The following CNBD1 variants were observed in gnomAD, a reference collection of about 807,000 sequenced individuals.
CNBD1 encodes cyclic nucleotide-binding domain-containing protein 1.
In CNBD1, 71 loss-of-function variants were observed where a neutral mutation model predicts 54.4. The observed-to-expected ratio is 1.30, with a 90% CI of 1.08 to 1.59. The LOEUF (loss-of-function observed/expected upper bound fraction) is 1.59. CNBD1 is among the 40% of genes most tolerant of loss of function. CNBD1 has a pLI of 0.00. For synonymous variants in CNBD1, 182 were observed against 170.7 expected, an observed-to-expected ratio of 1.07 and a Z score of -0.51; for missense variants, 659 against 518.0, an observed-to-expected ratio of 1.27 and a Z score of -2.64.
At chr8:86,978,354 T>G (rs1586176102) in intron 4 of CNBD1, among the ~76,000 whole-genome samples, 1 of 152,060 alleles carries the variant, frequency 6.6e-6, no homozygotes, top group Admixed American at 6.6e-5. Flanking sequence ...CTCTTTAATC[T>G]TACCCTCTAA....
At chr8:86,866,698 T>C (rs1419656675) in intron 1 of CNBD1, 115 bp downstream of exon 1, 7 of 741,924 alleles carry the variant, frequency 9.4e-6, no homozygotes, top group Admixed American at 2.1e-5. Flanking sequence ...GGGAATCTTA[T>C]TGACAGTGCT....
At chr8:87,368,201 T>C (rs930492114) in intron 10 of CNBD1, among the ~76,000 whole-genome samples, 1 of 139,946 alleles carries the variant, frequency 7.1e-6, no homozygotes, top group Non-Finnish European at 1.6e-5. Context: ...TGTTATAGAA[T>C]TTGGGTTTTG....
chr8:87,290,405 C>T (rs1808764796), intron 8 of CNBD1, among the ~76,000 whole-genome samples: 1 of 152,022 alleles, frequency 6.6e-6, no homozygotes, highest in East Asian at 1.9e-4. Flanking sequence ...TCTTATGCTG[C>T]TATTGGCAAA....
chr8:86,966,106 A>ACTCTTCT (rs1262049810), intron 4 of CNBD1, among the ~76,000 whole-genome samples: 1 of 152,200 alleles, frequency 6.6e-6, no homozygotes, highest in Non-Finnish European at 1.5e-5. Flanking sequence ...TGGGCCCAGA[A>ACTCTTCT]GAGCCATAAT....
At chr8:87,096,866 T>G (rs1359708308) in intron 4 of CNBD1, among the ~76,000 whole-genome samples, 2 of 152,036 alleles carry the variant, frequency 1.3e-5, no homozygotes, top group Non-Finnish European at 2.9e-5. Flanking sequence ...CATGGTAATA[T>G]TAGCAGATTA....
chr8:87,286,759 A>T (rs1808708588), intron 8 of CNBD1, 88 bp downstream of exon 8: 1 of 836,632 alleles, frequency 1.2e-6, no homozygotes, highest in African/African-American at 1.7e-5. Flanking sequence ...ATTTTATACA[A>T]TATTTCTTCA....
rs1411997537 is a variant in CNBD1, at chr8:87,322,518, TC to T, written c.1043-29166del. On this transcript the variant is annotated intron_variant, in intron 8 of 10. Transcript: ENST00000518476. ...ATTCTAACTGGTGTGAGATGATATC[TC>T]ATAGTGGTTTTGATTTGCATTTCTC... 5.8e-5 allele frequency among the ~76,000 whole-genome samples: 7 copies of T among 121,706 alleles called. 2 individuals are homozygous for T. The East Asian group carries it at 1.5e-3, about 25-fold the overall frequency. The allele number at this position is 121,706 out of a possible 152,430, so 79.8% of individuals were successfully genotyped here.
intron 1 of CNBD1, 128 bp from the exon 2 acceptor site, chr8:86,887,411 CTGT>C: frequency 1.7e-6 from 1 of 603,324 alleles, no homozygotes; most frequent in Non-Finnish European, 3.0e-6. Flanking sequence ...TAAACAAAGA[CTGT>C]TAATACCTCA....
intron 4 of CNBD1, among the ~76,000 whole-genome samples, chr8:87,024,753 ACTT>A (rs747170621): frequency 2.6e-5 from 4 of 152,156 alleles, no homozygotes; most frequent in African/African-American, 7.2e-5. Flanking sequence ...TGTTTTAAAG[ACTT>A]CTTCTCCTAG....
intron 4 of CNBD1, among the ~76,000 whole-genome samples, chr8:87,183,381 GTTTGTTT>G (rs1426553980): frequency 1.6e-4 from 12 of 73,420 alleles, no homozygotes; most frequent in African/African-American, 6.4e-4. Context: ...TTTTTGCGCT[GTTTGTTT>G]TTTTTTTTTT....
At chr8:87,096,006 A>T (rs537693008) in intron 4 of CNBD1, among the ~76,000 whole-genome samples, 1 of 152,276 alleles carries the variant, frequency 6.6e-6, no homozygotes, top group African/African-American at 2.4e-5. Context: ...AACTGAATGT[A>T]ACCTCAGAGG....
intron 6 of CNBD1, among the ~76,000 whole-genome samples, chr8:87,270,581 A>G (rs1438154349): frequency 1.3e-5 from 2 of 152,024 alleles, no homozygotes; most frequent in Admixed American, 6.6e-5. Context: ...TAAAAACTGA[A>G]CTACCATTCA....
chr8:87,390,479 A>AC (rs1160380490), intron 2 of CNBD1, among the ~76,000 whole-genome samples: 2 of 152,160 alleles, frequency 1.3e-5, no homozygotes, highest in Non-Finnish European at 2.9e-5. Flanking sequence ...AGCCAAAAGA[A>AC]ACATGAAAAA....
At chr8:87,123,120 A>G (rs772859296) in intron 4 of CNBD1, among the ~76,000 whole-genome samples, 63 of 151,970 alleles carry the variant, frequency 4.1e-4, no homozygotes, top group Admixed American at 1.3e-3. Flanking sequence ...TTGAATTTAT[A>G]AATCACTTTG....
At chr8:87,133,284 T>G (rs2130728966) in intron 4 of CNBD1, among the ~76,000 whole-genome samples, 1 of 152,308 alleles carries the variant, frequency 6.6e-6, no homozygotes, top group Middle Eastern at 3.4e-3. Context: ...TGAGTCATTT[T>G]TTCTGTTCCT....
intron 4 of CNBD1, among the ~76,000 whole-genome samples, chr8:87,109,207 T>G (rs959366784): frequency 2.6e-5 from 4 of 152,058 alleles, no homozygotes; most frequent in African/African-American, 9.7e-5. Flanking sequence ...AAATAAAGGC[T>G]GAGATTAAAC....
At chr8:87,288,991 T>C (rs1808741356) in intron 8 of CNBD1, among the ~76,000 whole-genome samples, 2 of 152,104 alleles carry the variant, frequency 1.3e-5, no homozygotes, top group South Asian at 2.1e-4. Flanking sequence ...ACTTGATATA[T>C]CAAAGAGAGG....
intron 1 of CNBD1, among the ~76,000 whole-genome samples, chr8:86,875,446 C>T (rs1158693572): frequency 6.6e-6 from 1 of 152,168 alleles, no homozygotes; most frequent in Non-Finnish European, 1.5e-5. Context: ...AAAAGGCAAG[C>T]TATTGAATTA....
intron 3 of CNBD1, among the ~76,000 whole-genome samples, chr8:86,929,965 A>G (rs561392998): frequency 1.3e-3 from 199 of 152,254 alleles, no homozygotes; most frequent in Admixed American, 1.6e-3. Context: ...ACATATAAAG[A>G]GAAGTTTTGT....
Sources: gnomAD v4.1 joint callset for allele counts (sites outside exome capture counted in the v4.1 genomes callset) on GRCh38, gnomAD v4.1.1 for gene constraint, MANE v1.5 for transcripts, NCBI Gene and HGNC (gene_info 2026-07-23, HGNC 2026-07-21) for gene names.